Variants in ZBTB20 observed in about 807,000 individuals in gnomAD.
The protein encoded by ZBTB20 is zinc finger and BTB domain containing 20, also known as zinc finger and BTB domain-containing protein 20.
ZBTB20 carries 9 observed loss-of-function variants against 56.9 expected under a neutral mutation model. The observed-to-expected ratio is 0.16, with a 90% CI of 0.10 to 0.28. The LOEUF is 0.28. Among genes scored for constraint, ZBTB20 ranks in the 10% least tolerant of loss-of-function variants. The probability of loss-of-function intolerance (pLI) is 1.00; values close to 1 mark genes in which losing one functional copy is unlikely to be tolerated. For synonymous variants in ZBTB20, 417 were observed against 420.7 expected, an observed-to-expected ratio of 0.99 and a Z score of 0.11; for missense variants, 655 against 1,003.0, an observed-to-expected ratio of 0.65 and a Z score of 4.69.
intron 11 of ZBTB20, among the ~76,000 whole-genome samples, chr3:114,346,375 G>A (rs1335745482): frequency 6.6e-6 from 1 of 151,842 alleles, no homozygotes; most frequent in Non-Finnish European, 1.5e-5. Context: ...TGCCTCTTCT[G>A]AAAAGCTCTC....
chr3:114,428,404 T>C (rs1331229746), intron 7 of ZBTB20, among the ~76,000 whole-genome samples: 1 of 152,166 alleles, frequency 6.6e-6, no homozygotes, highest in African/African-American at 2.4e-5. Context: ...AAGGCATCTA[T>C]GGAGCTAGAC....
At chr3:115,142,078 GA>G (rs933156339) in intron 1 of ZBTB20, among the ~76,000 whole-genome samples, 1 of 152,058 alleles carries the variant, frequency 6.6e-6, no homozygotes, top group African/African-American at 2.4e-5. Flanking sequence ...AAAATTTATA[GA>G]AATTTAATTA....
chr3:114,628,748 A>T lies in ZBTB20; in HGVS notation c.-295+64780T>A, dbSNP rs544045228. Among the ~76,000 whole-genome samples, 10 of 152,292 alleles carry T rather than the reference A, an allele frequency of 6.6e-5. No individual in the cohort carries two copies. In the South Asian group the frequency reaches 2.1e-3, roughly 32 times the overall value. On this transcript the variant is annotated intron_variant, in intron 6 of 11. Transcript: ENST00000675478. ...TTTTCAGCATTTCTTTTAACAGGTT[A>T]CTAATAATTTCTGATACAGGATCTC...
At chr3:114,579,394 G>T (rs146745681) in intron 6 of ZBTB20, among the ~76,000 whole-genome samples, 3 of 151,360 alleles carry the variant, frequency 2.0e-5, no homozygotes, top group African/African-American at 7.3e-5. Flanking sequence ...ACAAAACTAC[G>T]TATCAAAACA....
chr3:115,104,609 AC>A (rs1268487266), intron 1 of ZBTB20, among the ~76,000 whole-genome samples: 83 of 152,276 alleles, frequency 5.5e-4, no homozygotes, highest in Non-Finnish European at 2.4e-4. Context: ...CCTTCTATCC[AC>A]TGTACGTATC....
At chr3:114,550,012 A>T (rs1663482848) in intron 6 of ZBTB20, among the ~76,000 whole-genome samples, 1 of 151,900 alleles carries the variant, frequency 6.6e-6, no homozygotes, top group Non-Finnish European at 1.5e-5. Flanking sequence ...ATCTCAGCTC[A>T]CTGCAAGCTC....
At chr3:114,691,433 A>T (rs1399370098) in intron 6 of ZBTB20, among the ~76,000 whole-genome samples, 1 of 152,210 alleles carries the variant, frequency 6.6e-6, no homozygotes, top group African/African-American at 2.4e-5. Context: ...ATATTCATGA[A>T]TTTAAGATTT....
chr3:114,744,719 T>C (rs756346912), intron 5 of ZBTB20, among the ~76,000 whole-genome samples: 23 of 152,158 alleles, frequency 1.5e-4, no homozygotes, highest in Non-Finnish European at 2.8e-4. Context: ...TGAATAGAAT[T>C]TGCATTTTAT....
chr3:114,425,867 C>G (rs146330916), intron 7 of ZBTB20, among the ~76,000 whole-genome samples: 1 of 152,230 alleles, frequency 6.6e-6, no homozygotes, highest in African/African-American at 2.4e-5. Context: ...TAACCACAGT[C>G]TAATATATCC....
At chr3:114,343,112 C>G (rs2079913444) in intron 11 of ZBTB20, among the ~76,000 whole-genome samples, 2 of 150,224 alleles carry the variant, frequency 1.3e-5, no homozygotes, top group African/African-American at 4.9e-5. Context: ...AGGACCAGCT[C>G]TGACACTTAA....
intron 10 of ZBTB20, among the ~76,000 whole-genome samples, chr3:114,355,571 C>G (rs765503293): frequency 1.8e-4 from 27 of 152,280 alleles, no homozygotes; most frequent in Middle Eastern, 6.8e-3. Context: ...TTATTTTTAA[C>G]ACTAATACAG....
At chr3:114,742,155 T>G (rs150514417) in intron 5 of ZBTB20, among the ~76,000 whole-genome samples, 358 of 152,258 alleles carry the variant, frequency 2.4e-3, no homozygotes, top group Non-Finnish European at 3.5e-3. Context: ...ATACCTACAT[T>G]ACCCCATATG....
At chr3:114,694,686 C>T (rs550304914) in intron 5 of ZBTB20, among the ~76,000 whole-genome samples, 1 of 152,038 alleles carries the variant, frequency 6.6e-6, no homozygotes, top group Non-Finnish European at 1.5e-5. Flanking sequence ...TACTCGATAG[C>T]TAGAATCATA....
At chr3:114,483,081 A>G (rs2041728789) in intron 7 of ZBTB20, among the ~76,000 whole-genome samples, 1 of 152,212 alleles carries the variant, frequency 6.6e-6, no homozygotes, top group Non-Finnish European at 1.5e-5. Flanking sequence ...ATTCCTATGT[A>G]GCAGTGAAGA....
At chr3:114,507,429 G>T (rs184995731) in intron 6 of ZBTB20, among the ~76,000 whole-genome samples, 1 of 152,250 alleles carries the variant, frequency 6.6e-6, no homozygotes, top group African/African-American at 2.4e-5. Flanking sequence ...GCTTAGGGAA[G>T]AAAGAGCTGA....
At chr3:114,627,357 A>C (rs894611574) in intron 6 of ZBTB20, among the ~76,000 whole-genome samples, 1 of 152,200 alleles carries the variant, frequency 6.6e-6, no homozygotes, top group Non-Finnish European at 1.5e-5. Context: ...CAAATAAAGA[A>C]AATTATTTTA....
chr3:114,824,443 T>G (rs2073413673), intron 4 of ZBTB20, among the ~76,000 whole-genome samples: 1 of 151,972 alleles, frequency 6.6e-6, no homozygotes, highest in Non-Finnish European at 1.5e-5. Context: ...CTTCAGCCAC[T>G]CCAGCTGTCA....
intron 4 of ZBTB20, among the ~76,000 whole-genome samples, chr3:114,878,050 GA>G (rs1165987097): frequency 6.6e-6 from 1 of 151,964 alleles, no homozygotes; most frequent in Non-Finnish European, 1.5e-5. Context: ...ATCAAACAAT[GA>G]AAAAAAGAAA....
intron 10 of ZBTB20, among the ~76,000 whole-genome samples, chr3:114,365,807 C>T (rs971580932): frequency 6.6e-6 from 1 of 152,084 alleles, no homozygotes; most frequent in African/African-American, 2.4e-5. Context: ...GTTGACCTGC[C>T]ATATTGCTAT....
Sources: gnomAD v4.1 joint callset for allele counts (sites outside exome capture counted in the v4.1 genomes callset) on GRCh38, gnomAD v4.1.1 for gene constraint, MANE v1.5 for transcripts, NCBI Gene and HGNC (gene_info 2026-07-23, HGNC 2026-07-21) for gene names.